Variants in SMAD2 observed in about 807,000 individuals in gnomAD.
SMAD2 encodes SMAD family member 2.
SMAD2 carries 8 observed loss-of-function variants against 64.4 expected under a neutral mutation model. That is an observed-to-expected ratio of 0.12 (90% CI 0.07 to 0.22). SMAD2 has a LOEUF of 0.22. SMAD2 is among the 10% of genes least tolerant of loss of function. The pLI, the probability that SMAD2 is intolerant of heterozygous loss-of-function variation, is 1.00. For missense variants in SMAD2, 289 were observed against 561.2 expected, an observed-to-expected ratio of 0.51 and a Z score of 4.90; for synonymous variants, 203 against 195.8, an observed-to-expected ratio of 1.04 and a Z score of -0.31.
chr18:47,917,151 T>C (rs968994245), intron 1 of SMAD2, among the ~76,000 whole-genome samples: 6 of 152,228 alleles, frequency 3.9e-5, no homozygotes, highest in African/African-American at 1.2e-4. Context: ...GTATCTTCTG[T>C]AATTGTTGGG....
At chr18:47,890,081 C>A (rs2033120016) in intron 2 of SMAD2, among the ~76,000 whole-genome samples, 1 of 152,164 alleles carries the variant, frequency 6.6e-6, no homozygotes, top group Non-Finnish European at 1.5e-5. Flanking sequence ...ACACAAGGGA[C>A]TTTGAATACC....
At chr18:47,859,318 A>C (rs531094194) in intron 6 of SMAD2, among the ~76,000 whole-genome samples, 12 of 152,190 alleles carry the variant, frequency 7.9e-5, no homozygotes, top group Non-Finnish European at 1.5e-4. Context: ...AAGAAGATGT[A>C]AACACTATCA....
At chr18:47,887,530 T>A (rs1167056656) in intron 2 of SMAD2, among the ~76,000 whole-genome samples, 1 of 152,208 alleles carries the variant, frequency 6.6e-6, no homozygotes, top group Non-Finnish European at 1.5e-5. Flanking sequence ...CTTGTCTGCT[T>A]GGATCACTGT....
rs374947832 is a variant in SMAD2, at chr18:47,839,929, C to G, written c.*1898G>C. The G allele has an allele frequency of 1.7e-5, 4 of 233,046 alleles. No individual in the cohort carries two copies. Among genetic ancestry groups the G allele is most frequent in the African/African-American group, 6.6e-5 (3 of 45,310 alleles). 14.4% of individuals were successfully genotyped at this position (233,046 alleles called of 1,614,324 possible). A position where few individuals can be genotyped will look rare whatever the true frequency, so the allele number is the denominator to read the frequency against. On this transcript the variant is annotated 3_prime_UTR_variant, in exon 11 of 11. Transcript: ENST00000262160. Reference sequence around the variant, plus strand: ...GCATCCCATCTGTTATTCTCCAGTACAGTACCCTGTTTATCTCCTTCATAG... The same window carrying G: ...GCATCCCATCTGTTATTCTCCAGTAGAGTACCCTGTTTATCTCCTTCATAG...
intron 1 of SMAD2, among the ~76,000 whole-genome samples, chr18:47,900,485 G>A (rs1004000111): frequency 2.0e-5 from 3 of 151,952 alleles, no homozygotes; most frequent in Admixed American, 2.0e-4. Flanking sequence ...TTAAATTTAT[G>A]TTCTCTCTCC....
intron 1 of SMAD2, among the ~76,000 whole-genome samples, chr18:47,905,555 C>CA: frequency 6.6e-6 from 1 of 151,390 alleles, no homozygotes; most frequent in East Asian, 1.9e-4. Flanking sequence ...ACTTAGTAAT[C>CA]AAGAGTATAG....
At chr18:47,912,659 C>G (rs2034183197) in intron 1 of SMAD2, among the ~76,000 whole-genome samples, 1 of 152,034 alleles carries the variant, frequency 6.6e-6, no homozygotes, top group African/African-American at 2.4e-5. Context: ...CAGGCCTGTT[C>G]CAGCTCCACA....
rs187242704 is a variant in SMAD2 at position 47,882,624 on chromosome 18, C to G, written c.237-12060G>C. 4.6e-4 allele frequency among the ~76,000 whole-genome samples: 70 copies of G among 152,156 alleles called. 1 individual carries two copies. Among genetic ancestry groups the G allele is most frequent in the Admixed American group, 3.9e-4 (6 of 15,284 alleles). On this transcript the variant is annotated intron_variant, in intron 2 of 10. Coordinates refer to ENST00000262160, the MANE Select transcript of SMAD2 (RefSeq NM_005901.6). ...ACTTTTCTTTTAGTTGCATCTTTGT[C>G]AGGTTTTGGTTTCAGGGTTATGTGA...
At position 47,845,863 on chromosome 18, in the gene SMAD2, G is replaced by A. The variant is rs1324476338; in HGVS notation, c.998-63C>T. ...TTACTATTTCAGTGTGACTTTGGAAGCATTTTCTTGGAAAAATTCTAAAAT... is the reference window on the plus strand; with the variant it reads ...TTACTATTTCAGTGTGACTTTGGAAACATTTTCTTGGAAAAATTCTAAAAT... On this transcript the variant is annotated intron_variant, in intron 8 of 10. Transcript: ENST00000262160. The A allele has an allele frequency of 2.7e-6, 4 of 1,463,124 alleles. No homozygotes were observed. In the East Asian group the frequency reaches 9.1e-5, roughly 33 times the overall value. 90.6% of individuals were successfully genotyped at this position (1,463,124 alleles called of 1,614,324 possible).
chr18:47,896,264 G>A (rs1451937542), intron 2 of SMAD2, among the ~76,000 whole-genome samples: 3 of 152,106 alleles, frequency 2.0e-5, no homozygotes, highest in Admixed American at 2.0e-4. Flanking sequence ...ATTCAATCAC[G>A]GAAATGAGGA....
Position 47,821,509 on chromosome 18 carries a change from C to A in SMAD2, c.*20318G>T, listed in dbSNP as rs1912574594. On this transcript the variant is annotated 3_prime_UTR_variant, in exon 11 of 11. Coordinates refer to ENST00000262160, the MANE Select transcript of SMAD2 (RefSeq NM_005901.6). ...AATTTCTCGTAATTTTTCCAAGAGC[C>A]ATGTATTCTGTTCAACATACTAGCT... The A allele has an allele frequency of 6.6e-6, 1 of 152,158 alleles. No individual in the cohort carries two copies. Among genetic ancestry groups the A allele is most frequent in the South Asian group, 2.1e-4 (1 of 4,832 alleles). The allele number at this position is 152,158 out of a possible 1,614,324, so 9.4% of individuals were successfully genotyped here.
intron 2 of SMAD2, among the ~76,000 whole-genome samples, chr18:47,879,766 T>C (rs564996801): frequency 1.2e-4 from 19 of 152,272 alleles, no homozygotes; most frequent in African/African-American, 4.6e-4. Flanking sequence ...GCCAGATCAT[T>C]TTCCAGAGTA....
intron 6 of SMAD2, among the ~76,000 whole-genome samples, chr18:47,852,844 A>T (rs1416267109): frequency 6.6e-6 from 1 of 152,198 alleles, no homozygotes; most frequent in African/African-American, 2.4e-5. Flanking sequence ...ATGAAAAATC[A>T]TGGCGCAACT....
At chr18:47,907,674 G>A (rs1436542709) in intron 1 of SMAD2, among the ~76,000 whole-genome samples, 5 of 152,112 alleles carry the variant, frequency 3.3e-5, no homozygotes, top group Non-Finnish European at 7.4e-5. Flanking sequence ...AGAACTGGCC[G>A]AGCCCAGTGG....
intron 2 of SMAD2, among the ~76,000 whole-genome samples, chr18:47,896,192 G>A (rs2033431020): frequency 6.6e-6 from 1 of 152,216 alleles, no homozygotes; most frequent in Admixed American, 6.5e-5. Context: ...TAAAGGAGGA[G>A]AAAACTGTAG....
At position 47,848,557 on chromosome 18, in the gene SMAD2, T is replaced by C; in HGVS notation, c.915A>G (p.Pro305=). 1 of 1,614,006 alleles carries C rather than the reference T, an allele frequency of 6.2e-7. No homozygotes were observed. Among genetic ancestry groups the C allele is most frequent in the Non-Finnish European group, 8.5e-7 (1 of 1,179,884 alleles). ...PSLTVDGFTD[P]SNSERFCLGL... is the part of the protein sequence containing the mutation. ...CTAAGCAGAACCTCTCTGAATTTGA[T>C]GGGTCTGTAAAGCCATCTACAGTGA... Residue 305 remains proline (P), a synonymous_variant, in exon 8 of 11, where the codon CCA becomes CCG. Transcript: ENST00000262160.
Position 47,845,687 on chromosome 18 carries a change from C to T in SMAD2, c.1111G>A (p.Ala371Thr), listed in dbSNP as rs2144290110. The change falls in exon 9 of 11, where the codon GCA becomes ACA. Residue 371 changes from alanine to threonine, a missense_variant. Physicochemically the swap from Ala to Thr is moderately conservative, Grantham distance 58. Around this residue, in one of 6 missense-constraint regions of SMAD2, gnomAD observed 49 missense variants for 101.1 expected, o/e 0.48. Coordinates refer to ENST00000262160, the MANE Select transcript of SMAD2 (RefSeq NM_005901.6). ...NCNQRYGWHP[A>T]TVCKIPPGCN... is the part of the protein sequence containing the mutation. ...CCTGGTGGAATTTTACACACTGTTG[C>T]AGGGTGCCAGCCATATCTCTGATTA... The T allele has an allele frequency of 6.2e-7, 1 of 1,613,904 alleles. No homozygotes were observed. The highest frequency in any genetic ancestry group is 8.5e-7 in the Non-Finnish European group (1 of 1,179,876).
intron 1 of SMAD2, chr18:47,912,497 C>T (rs2034176616): frequency 6.6e-6 from 1 of 152,264 alleles, no homozygotes; most frequent in South Asian, 2.1e-4. Context: ...ATGTTCATCA[C>T]ATGGCCAGGA....
At position 47,821,527 on chromosome 18, in the gene SMAD2, T is replaced by C. The variant is rs1284994660; in HGVS notation, c.*20300A>G. The C allele has an allele frequency of 6.6e-6, 1 of 152,238 alleles. No individual in the cohort carries two copies. Among genetic ancestry groups the C allele is most frequent in the Non-Finnish European group, 1.5e-5 (1 of 68,048 alleles). The allele number at this position is 152,238 out of a possible 1,614,324, so 9.4% of individuals were successfully genotyped here. On this transcript the variant is annotated 3_prime_UTR_variant, in exon 11 of 11. Coordinates refer to ENST00000262160, the MANE Select transcript of SMAD2 (RefSeq NM_005901.6). Reference sequence around the variant, plus strand: ...CAAGAGCCATGTATTCTGTTCAACATACTAGCTTTCTTATTTACATTCCTC... The same window carrying C: ...CAAGAGCCATGTATTCTGTTCAACACACTAGCTTTCTTATTTACATTCCTC...
Sources: gnomAD v4.1 joint callset for allele counts (sites outside exome capture counted in the v4.1 genomes callset) on GRCh38, gnomAD v4.1.1 for gene constraint, gnomAD v4.1.1 regional missense constraint, MANE v1.5 for transcripts, NCBI Gene and HGNC (gene_info 2026-07-23, HGNC 2026-07-21) for gene names.